Variants in ADAMTS5 observed in about 807,000 individuals in gnomAD.
ADAMTS5 encodes ADAM metallopeptidase with thrombospondin type 1 motif 5.
Under a neutral mutation model 81.4 loss-of-function variants are expected in ADAMTS5, and 54 were observed. The ratio of observed to expected loss-of-function variants is 0.66; its 90% CI spans 0.53 to 0.83. ADAMTS5 has a LOEUF of 0.83. Ranked by LOEUF, ADAMTS5 falls within the 40% of genes least tolerant of loss-of-function variation. ADAMTS5 has a pLI of 0.00. For synonymous variants in ADAMTS5, 532 were observed against 508.8 expected (o/e 1.05, Z -0.61); for missense variants, 1,194 against 1,229.9 (o/e 0.97, Z 0.44).
chr21:26,965,542 CA>C lies in ADAMTS5; in HGVS notation c.849del (p.Tyr283Ter), dbSNP rs1198684646. The C allele has an allele frequency of 4.3e-6, 7 of 1,612,848 alleles. No individual in the cohort carries two copies. Among genetic ancestry groups the C allele is most frequent in the Non-Finnish European group, 5.9e-6 (7 of 1,179,210 alleles). ...AGCAGGTAATGCTGCAGGCCCCGGC[CA>C]TACAACCGCGCCATGGACGCGTCAG... ...LVADASMARL[Y>X]GRGLQHYLLT... On this transcript the variant is annotated frameshift_variant, in exon 1 of 8. Coordinates refer to ENST00000284987, the MANE Select transcript of ADAMTS5 (RefSeq NM_007038.5). LOFTEE classifies it high-confidence loss of function.
chr21:26,938,509 A>C lies in ADAMTS5; in HGVS notation c.1406-3760T>G, dbSNP rs1160789807. On this transcript the variant is annotated intron_variant, in intron 3 of 7. Coordinates refer to ENST00000284987, the MANE Select transcript of ADAMTS5 (RefSeq NM_007038.5). The stretch of plus-strand genomic sequence containing the variant: ...ATAGCACTATTTGTCTCTCATATTA[A>C]TGATTAACCAAAGTTGTTTTTTTGT... Among the ~76,000 whole-genome samples the C allele has an allele frequency of 3.9e-5, 6 of 152,096 alleles. No homozygotes were observed. The East Asian group carries it at 1.2e-3, about 29-fold the overall frequency.
At position 26,922,150 on chromosome 21, in the gene ADAMTS5, G is replaced by T. The variant is rs1986711743; in HGVS notation, c.*1903C>A. 1 of 151,856 alleles carries T rather than the reference G, an allele frequency of 6.6e-6. No homozygotes were observed. Among genetic ancestry groups the T allele is most frequent in the African/African-American group, 2.4e-5 (1 of 41,352 alleles). 9.4% of individuals were successfully genotyped at this position (151,856 alleles called of 1,614,324 possible). A position where few individuals can be genotyped will look rare whatever the true frequency, so the allele number is the denominator to read the frequency against. On this transcript the variant is annotated 3_prime_UTR_variant, in exon 8 of 8. Transcript: ENST00000284987. ...CATATAGGTTATCAGCCTTGTACAG[G>T]CCTCATTTCTCAAAGTGATAATTTA...
intron 7 of ADAMTS5, 136 bp downstream of exon 7, chr21:26,929,750 A>T: frequency 2.8e-6 from 2 of 720,234 alleles, no homozygotes; most frequent in Non-Finnish European, 4.1e-6. Context: ...TCTCATATTT[A>T]AAATGTGTTT....
rs267606087 is a variant in ADAMTS5, at chr21:26,924,292, G to A, written c.2554C>T (p.Pro852Ser). 6.2e-7 allele frequency: 1 copy of A among 1,614,104 alleles called. No individual in the cohort carries two copies. The change falls in exon 8 of 8, where the codon CCC becomes TCC. Residue 852 changes from proline to serine, a missense_variant. Coordinates refer to ENST00000284987, the MANE Select transcript of ADAMTS5 (RefSeq NM_007038.5). ...TTTACTTTTGGAGTGGACTTCTTGG[G>A]AACAAAAAAGCTATAACGGACATCT... is the stretch of plus-strand genomic sequence containing the variant. ...PLDVRYSFFV[P>S]KKSTPKVNSV... is the part of the protein sequence containing the mutation.
chr21:26,941,208 C>G (rs533050625), intron 3 of ADAMTS5, among the ~76,000 whole-genome samples: 1 of 151,976 alleles, frequency 6.6e-6, no homozygotes, highest in East Asian at 1.9e-4. Flanking sequence ...TGAAAAAAAT[C>G]AAATAAGTAA....
At chr21:26,949,538 A>G (rs971498390) in intron 2 of ADAMTS5, among the ~76,000 whole-genome samples, 2 of 152,116 alleles carry the variant, frequency 1.3e-5, no homozygotes, top group African/African-American at 2.4e-5. Context: ...CTTCCTAAAC[A>G]TAAAAGAAAA....
rs189265950 is a variant in ADAMTS5 at position 26,965,450 on chromosome 21, G to C, written c.942C>G (p.Ala314=). Residue 314 remains alanine (A), a synonymous_variant, in exon 1 of 8, where the codon GCC becomes GCG. Coordinates refer to ENST00000284987, the MANE Select transcript of ADAMTS5 (RefSeq NM_007038.5). ...CGCCTAGCACCACCACCTTCACCAC[G>C]GCCAGGCGGATGTGGTTCTCGATGC... ...HASIENHIRL[A]VVKVVVLGDK... 3.4e-4 allele frequency: 546 copies of C among 1,614,164 alleles called. 1 individual carries two copies. Among genetic ancestry groups the C allele is most frequent in the Non-Finnish European group, 4.1e-4 (482 of 1,180,036 alleles).
Position 26,919,427 on chromosome 21 carries a change from TTAG to T in ADAMTS5, c.*4623_*4625del, listed in dbSNP as rs1986646347. ...AAATTATTGCTAATGTGCAACTATA[TTAG>T]TAGAATGCAATTAACTGGGCTAACT... On this transcript the variant is annotated 3_prime_UTR_variant, in exon 8 of 8. Transcript: ENST00000284987. 6.6e-6 allele frequency: 1 copy of T among 151,958 alleles called. No individual in the cohort carries two copies. The highest frequency in any genetic ancestry group is 1.5e-5 in the Non-Finnish European group (1 of 67,930). 9.4% of individuals were successfully genotyped at this position (151,958 alleles called of 1,614,324 possible). A position where few individuals can be genotyped will look rare whatever the true frequency, so the allele number is the denominator to read the frequency against.
intron 5 of ADAMTS5, 128 bp downstream of exon 5, chr21:26,932,733 G>T (rs1229719635): frequency 4.9e-6 from 5 of 1,015,406 alleles, no homozygotes; most frequent in Non-Finnish European, 6.8e-6. Flanking sequence ...GTTTGTTATT[G>T]ATCTGCATAT....
In ADAMTS5 at chr21:26,924,330, G is replaced by A; in HGVS notation, c.2516C>T (p.Pro839Leu). 1 of 1,614,194 alleles carries A rather than the reference G, an allele frequency of 6.2e-7. No individual in the cohort carries two copies. Among genetic ancestry groups the A allele is most frequent in the Non-Finnish European group, 8.5e-7 (1 of 1,180,036 alleles). ...ATAACGGACATCTAATGGTTTAGTG[G>A]GGTCTGTTGCAAGAATCTGCACTAT... ...ILIVQILATD[P>L]TKPLDVRYSF... The change falls in exon 8 of 8, where the codon CCC becomes CTC. Residue 839 changes from proline to leucine, a missense_variant. Physicochemically the swap from Pro to Leu is moderately conservative, Grantham distance 98. Around this residue, in one of 2 missense-constraint regions of ADAMTS5, gnomAD observed 696 missense variants for 817.6 expected, o/e 0.85. Coordinates refer to ENST00000284987, the MANE Select transcript of ADAMTS5 (RefSeq NM_007038.5).
In ADAMTS5 at chr21:26,965,920, C is replaced by A; in HGVS notation, c.472G>T (p.Val158Phe). Residue 158 changes from valine (V) to phenylalanine (F), a missense_variant, in exon 1 of 8, where the codon GTC (valine) becomes TTC (phenylalanine). Coordinates refer to ENST00000284987, the MANE Select transcript of ADAMTS5 (RefSeq NM_007038.5). ...LCGGLDGFFA[V>F]KHARYTLKPL... ...TTTAGGGTGTAGCGCGCGTGCTTGA[C>A]CGCGAAGAAGCCGTCGAGACCCCCA... The A allele has an allele frequency of 6.2e-7, 1 of 1,613,898 alleles. No homozygotes were observed. Among genetic ancestry groups the A allele is most frequent in the Non-Finnish European group, 8.5e-7 (1 of 1,179,972 alleles).
In ADAMTS5 at chr21:26,934,606, G is replaced by A; in HGVS notation, c.1549C>T (p.Leu517=). The A allele has an allele frequency of 1.2e-6, 2 of 1,614,176 alleles. No individual in the cohort carries two copies. The highest frequency in any genetic ancestry group is 2.2e-5 in the East Asian group (1 of 44,862). ...CCCTGGCGTACCACAGCACACCACA[G>A]GCGAGCACAGACATCCATGCCGGGA... ...VCPGMDVCAR[L]WCAVVRQGQM... Residue 517 remains leucine (L), a synonymous_variant, in exon 4 of 8, where the codon CTG becomes TTG. Coordinates refer to ENST00000284987, the MANE Select transcript of ADAMTS5 (RefSeq NM_007038.5).
intron 4 of ADAMTS5, 96 bp from the exon 5 acceptor site, chr21:26,933,140 A>G: frequency 1.6e-6 from 2 of 1,286,280 alleles, no homozygotes; most frequent in Non-Finnish European, 2.1e-6. Context: ...CAAAGTGGAA[A>G]CTTTGTCACA....
At chr21:26,957,450 TAG>T (rs1491159242) in intron 1 of ADAMTS5, among the ~76,000 whole-genome samples, 1 of 6,418 alleles carries the variant, frequency 1.6e-4, no homozygotes, top group Admixed American at 1.9e-3. Context: ...GGATAGATGA[TAG>T]ATAGATAGAT....
chr21:26,947,129 A>C (rs577508405), intron 2 of ADAMTS5, among the ~76,000 whole-genome samples: 23 of 152,356 alleles, frequency 1.5e-4, no homozygotes, highest in African/African-American at 5.5e-4. Flanking sequence ...GACATGCAAA[A>C]GATCGAAAAG....
Position 26,943,252 on chromosome 21 carries a change from C to A in ADAMTS5, c.1405+128G>T, listed in dbSNP as rs892406710. ...CATATGATCAATTTTCTTGGTCTTT[C>A]TTCTGACACTATCCACACAACTATT... On this transcript the variant is annotated intron_variant, in intron 3 of 7. Transcript: ENST00000284987. 9.3e-6 allele frequency: 9 copies of A among 967,494 alleles called. No individual in the cohort carries two copies. The African/African-American group carries it at 1.5e-4, about 16-fold the overall frequency. 59.9% of individuals were successfully genotyped at this position (967,494 alleles called of 1,614,324 possible). A position where few individuals can be genotyped will look rare whatever the true frequency, so the allele number is the denominator to read the frequency against.
intron 2 of ADAMTS5, chr21:26,953,824 C>T (rs1987366437): frequency 6.5e-6 from 1 of 153,312 alleles, no homozygotes; most frequent in Admixed American, 6.5e-5. Flanking sequence ...AAACTCTACC[C>T]AATATATTCC....
intron 7 of ADAMTS5, among the ~76,000 whole-genome samples, chr21:26,926,860 A>C (rs1427132804): frequency 2.6e-5 from 4 of 152,118 alleles, no homozygotes; most frequent in Non-Finnish European, 4.4e-5. Context: ...AGGGTAAGGG[A>C]AGCTTTTTTG....
At chr21:26,945,234 G>A (rs550890394) in intron 2 of ADAMTS5, among the ~76,000 whole-genome samples, 2 of 151,588 alleles carry the variant, frequency 1.3e-5, no homozygotes, top group South Asian at 2.1e-4. Flanking sequence ...TGCTGATATC[G>A]CACTCTACAC....
Sources: gnomAD v4.1 joint callset for allele counts (sites outside exome capture counted in the v4.1 genomes callset) on GRCh38, gnomAD v4.1.1 for gene constraint, gnomAD v4.1.1 regional missense constraint, MANE v1.5 for transcripts, NCBI Gene and HGNC (gene_info 2026-07-23, HGNC 2026-07-21) for gene names.